Variants in LRP1B observed in about 807,000 individuals in gnomAD.
LRP1B encodes LDL receptor related protein 1B, also known as low-density lipoprotein receptor-related protein 1B.
LRP1B carries 217 observed loss-of-function variants against 556.6 expected under a neutral mutation model. The observed-to-expected ratio is 0.39, with a 90% CI of 0.35 to 0.44. The LOEUF (loss-of-function observed/expected upper bound fraction) is 0.44. LRP1B is among the 20% of genes least tolerant of loss of function. The probability of loss-of-function intolerance (pLI) is 1.00; values close to 1 mark genes in which losing one functional copy is unlikely to be tolerated. For missense variants in LRP1B, 5,053 were observed against 5,620.8 expected (o/e 0.90, Z 3.23); for synonymous variants, 2,047 against 1,865.8 (o/e 1.10, Z -2.50).
chr2:140,934,018 G>C (rs1695129753), intron 20 of LRP1B, among the ~76,000 whole-genome samples: 1 of 151,942 alleles, frequency 6.6e-6, no homozygotes, highest in Admixed American at 6.6e-5. Context: ...TTGTTTATAT[G>C]TCTCAGTGGT....
chr2:141,248,437 G>A (rs1279535378), intron 4 of LRP1B, among the ~76,000 whole-genome samples: 1 of 152,120 alleles, frequency 6.6e-6, no homozygotes, highest in Non-Finnish European at 1.5e-5. Flanking sequence ...AGGATTAGAA[G>A]GGGAATCTTA....
At chr2:141,966,686 A>G (rs963254563) in intron 1 of LRP1B, among the ~76,000 whole-genome samples, 2 of 151,766 alleles carry the variant, frequency 1.3e-5, no homozygotes, top group African/African-American at 2.4e-5. Flanking sequence ...TCTACCAATA[A>G]GATTCTGAAA....
chr2:141,753,269 T>TATATATGG lies in LRP1B; in HGVS notation c.205+57009_205+57010insCCATATAT, dbSNP rs1320652097. On this transcript the variant is annotated intron_variant, in intron 2 of 90. Transcript: ENST00000389484. ...CACACTCTCTCTCTCTCTCCATATA[T>TATATATGG]ATATATATATATATCCCAGATGATT... Among the ~76,000 whole-genome samples the TATATATGG allele has an allele frequency of 2.4e-5, 3 of 126,860 alleles. 1 individual carries two copies. The highest frequency in any genetic ancestry group is 3.4e-5 in the Non-Finnish European group (2 of 58,674). The allele number at this position is 126,860 out of a possible 152,430, so 83.2% of individuals were successfully genotyped here.
intron 1 of LRP1B, among the ~76,000 whole-genome samples, chr2:141,940,069 C>A (rs1574511446): frequency 6.6e-6 from 1 of 152,014 alleles, no homozygotes; most frequent in South Asian, 2.1e-4. Flanking sequence ...GACTATAATG[C>A]AAATCTGACA....
chr2:142,000,685 G>T (rs919176939), intron 1 of LRP1B, among the ~76,000 whole-genome samples: 35 of 151,968 alleles, frequency 2.3e-4, no homozygotes, highest in Admixed American at 2.2e-3. Flanking sequence ...CTTACTTTTT[G>T]CCAGAAACAG....
At chr2:141,290,509 A>G (rs1164356870) in intron 3 of LRP1B, among the ~76,000 whole-genome samples, 1 of 152,148 alleles carries the variant, frequency 6.6e-6, no homozygotes, top group Non-Finnish European at 1.5e-5. Context: ...TGATATAACA[A>G]TAAATTCTAC....
chr2:142,076,675 G>A (rs766028546), intron 1 of LRP1B, among the ~76,000 whole-genome samples: 5 of 152,086 alleles, frequency 3.3e-5, no homozygotes, highest in Non-Finnish European at 5.9e-5. Flanking sequence ...ACATTCAGTA[G>A]TAAGGATTTT....
At chr2:141,229,956 A>G (rs1320318437) in intron 5 of LRP1B, among the ~76,000 whole-genome samples, 28 of 152,334 alleles carry the variant, frequency 1.8e-4, no homozygotes, top group South Asian at 6.2e-4. Flanking sequence ...ACAATCACAC[A>G]TTCTTTTAGT....
At chr2:141,228,165 C>G (rs1210187902) in intron 6 of LRP1B, among the ~76,000 whole-genome samples, 1 of 152,186 alleles carries the variant, frequency 6.6e-6, no homozygotes, top group Non-Finnish European at 1.5e-5. Context: ...GATCCACCCA[C>G]CTTGGCCTCC....
intron 77 of LRP1B, among the ~76,000 whole-genome samples, chr2:140,340,803 C>CCAA (rs1681353016): frequency 6.6e-6 from 1 of 151,254 alleles, no homozygotes; most frequent in East Asian, 1.9e-4. Flanking sequence ...AATAGAAGAG[C>CCAA]CAACTACCTG....
At chr2:141,753,066 T>C (rs1694177628) in intron 2 of LRP1B, among the ~76,000 whole-genome samples, 1 of 147,868 alleles carries the variant, frequency 6.8e-6, no homozygotes, top group Admixed American at 6.8e-5. Flanking sequence ...CTAACCAACA[T>C]GGAAAAATGC....
At chr2:140,405,164 G>A (rs1684676558) in intron 66 of LRP1B, among the ~76,000 whole-genome samples, 1 of 152,144 alleles carries the variant, frequency 6.6e-6, no homozygotes, top group African/African-American at 2.4e-5. Flanking sequence ...TCTTTGAGAT[G>A]AATGATAATA....
At chr2:140,659,214 T>C (rs1425517484) in intron 41 of LRP1B, among the ~76,000 whole-genome samples, 2 of 149,576 alleles carry the variant, frequency 1.3e-5, no homozygotes, top group African/African-American at 2.4e-5. Context: ...CAATAATAGG[T>C]TCATGTTGAC....
chr2:140,927,904 A>G (rs571894625), intron 20 of LRP1B, among the ~76,000 whole-genome samples: 66 of 150,824 alleles, frequency 4.4e-4, no homozygotes, highest in Admixed American at 9.9e-4. Context: ...TTTTTATTTT[A>G]TTTATTTATT....
intron 66 of LRP1B, among the ~76,000 whole-genome samples, chr2:140,422,827 A>G (rs7571297): frequency 0.014 from 2,170 of 152,248 alleles, 56 homozygotes; most frequent in African/African-American, 0.05. Flanking sequence ...TTCTACACAA[A>G]CATTCAATGA....
intron 12 of LRP1B, among the ~76,000 whole-genome samples, chr2:141,019,136 T>C (rs893446023): frequency 6.6e-6 from 1 of 152,126 alleles, no homozygotes; most frequent in African/African-American, 2.4e-5. Context: ...TTGATATTTC[T>C]ATAAGTACAG....
intron 2 of LRP1B, among the ~76,000 whole-genome samples, chr2:141,617,262 A>G: frequency 6.6e-6 from 1 of 152,192 alleles, no homozygotes; most frequent in East Asian, 1.9e-4. Flanking sequence ...ATATTAAACA[A>G]ATATACAAAC....
At chr2:141,551,807 T>C (rs1156721820) in intron 2 of LRP1B, among the ~76,000 whole-genome samples, 1 of 152,112 alleles carries the variant, frequency 6.6e-6, no homozygotes, top group Admixed American at 6.6e-5. Flanking sequence ...TGGATCATAA[T>C]GCTCTCATTT....
chr2:141,414,979 C>G (rs528068884), intron 3 of LRP1B, among the ~76,000 whole-genome samples: 22 of 152,272 alleles, frequency 1.4e-4, no homozygotes, highest in Non-Finnish European at 1.9e-4. Flanking sequence ...GCTGAACAGC[C>G]TCTCACAGCT....
Sources: gnomAD v4.1 joint callset for allele counts (sites outside exome capture counted in the v4.1 genomes callset) on GRCh38, gnomAD v4.1.1 for gene constraint, MANE v1.5 for transcripts, NCBI Gene and HGNC (gene_info 2026-07-23, HGNC 2026-07-21) for gene names.